PICALM: variants seen among roughly 807,000 people sequenced by gnomAD.
The protein encoded by PICALM is phosphatidylinositol-binding clathrin assembly protein.
Under a neutral mutation model 80.5 loss-of-function variants are expected in PICALM, and 40 were observed. The ratio of observed to expected loss-of-function variants is 0.50; its 90% confidence interval spans 0.39 to 0.65. The LOEUF is 0.65. PICALM is among the 30% of genes least tolerant of loss of function. The pLI, the probability that PICALM is intolerant of heterozygous loss-of-function variation, is 0.00. For synonymous variants in PICALM, 288 were observed against 260.3 expected, an observed-to-expected ratio of 1.11 and a Z score of -1.02; for missense variants, 676 against 778.9, an observed-to-expected ratio of 0.87 and a Z score of 1.57.
In PICALM at chr11:85,976,107, T is replaced by C. The variant is rs1207544994; in HGVS notation, c.1839+516A>G. Among the ~76,000 whole-genome samples, 3 of 146,574 alleles carry C rather than the reference T, an allele frequency of 2.0e-5. No individual in the cohort carries two copies. The East Asian group carries it at 5.8e-4, about 28-fold the overall frequency. ...CTACTAGCACCATTTCTTTTCTAAT[T>C]GAGTCTCTATATACTGAGAGTTGGG... On this transcript the variant is annotated intron_variant, in intron 18 of 19. Transcript: ENST00000393346.
At chr11:86,039,360 C>T (rs897672269) in intron 1 of PICALM, among the ~76,000 whole-genome samples, 4 of 152,074 alleles carry the variant, frequency 2.6e-5, no homozygotes, top group South Asian at 2.1e-4. Flanking sequence ...CTGTGAACAA[C>T]CACTGCCCTC....
chr11:86,040,018 A>AAAAAAAAAAAG (rs2095927575), intron 1 of PICALM, among the ~76,000 whole-genome samples: 1 of 142,856 alleles, frequency 7.0e-6, no homozygotes, highest in Non-Finnish European at 1.5e-5. Context: ...AAAAAAAAAA[A>AAAAAAAAAAAG]AAAAAAAAAG....
intron 8 of PICALM, among the ~76,000 whole-genome samples, chr11:86,005,760 C>T (rs1435546237): frequency 6.7e-6 from 1 of 149,100 alleles, no homozygotes; most frequent in Non-Finnish European, 1.5e-5. Context: ...TGCTTTACAC[C>T]TTAAAAGAAA....
intron 1 of PICALM, among the ~76,000 whole-genome samples, chr11:86,065,693 T>C (rs781495795): frequency 1.3e-5 from 2 of 152,288 alleles, no homozygotes; most frequent in African/African-American, 2.4e-5. Flanking sequence ...TCGTGTTTAT[T>C]TTTACAAACA....
chr11:86,016,713 C>A (rs528997131), intron 4 of PICALM, among the ~76,000 whole-genome samples: 6 of 152,168 alleles, frequency 3.9e-5, no homozygotes, highest in Non-Finnish European at 8.8e-5. Flanking sequence ...TCATCAACCT[C>A]AAATGAATAC....
chr11:86,042,030 T>C (rs1321329153), intron 1 of PICALM, among the ~76,000 whole-genome samples: 1 of 152,200 alleles, frequency 6.6e-6, no homozygotes, highest in Non-Finnish European at 1.5e-5. Context: ...AGTGTAAACC[T>C]AGAGCTTTCC....
intron 11 of PICALM, among the ~76,000 whole-genome samples, chr11:85,998,847 C>T (rs886498268): frequency 2.0e-5 from 3 of 152,170 alleles, no homozygotes; most frequent in Non-Finnish European, 2.9e-5. Context: ...CTAGCTTGTA[C>T]GGCTGGGCTC....
chr11:86,060,482 C>G (rs1030466727), intron 1 of PICALM, among the ~76,000 whole-genome samples: 16 of 152,136 alleles, frequency 1.1e-4, no homozygotes, highest in Admixed American at 7.2e-4. Context: ...GGCAATATCA[C>G]ACACACATCA....
At chr11:86,041,440 C>G (rs1226735707) in intron 1 of PICALM, among the ~76,000 whole-genome samples, 2 of 152,078 alleles carry the variant, frequency 1.3e-5, no homozygotes, top group African/African-American at 4.8e-5. Flanking sequence ...GAACGGAACA[C>G]AGAAGAGATT....
intron 1 of PICALM, among the ~76,000 whole-genome samples, chr11:86,042,548 TTAAG>T (rs1593265783): frequency 6.6e-6 from 1 of 151,950 alleles, no homozygotes; most frequent in Non-Finnish European, 1.5e-5. Flanking sequence ...AGAAAACATA[TTAAG>T]TATCAAGTAA....
At chr11:85,977,984 A>G in intron 17 of PICALM, 1 of 973,900 alleles carries the variant, frequency 1.0e-6, no homozygotes, top group South Asian at 1.4e-5. Context: ...AAAACAAGTA[A>G]TAGCTGAAAG....
chr11:85,977,978 CAAGT>C (rs1057143785), intron 17 of PICALM: 6 of 918,740 alleles, frequency 6.5e-6, no homozygotes, highest in Non-Finnish European at 1.1e-5. Context: ...AATGTGAAAA[CAAGT>C]AATAGCTGAA....
chr11:86,012,057 T>C (rs1337052574), intron 6 of PICALM, among the ~76,000 whole-genome samples: 1 of 152,130 alleles, frequency 6.6e-6, no homozygotes, highest in Non-Finnish European at 1.5e-5. Context: ...AAAACATAGA[T>C]ACATCTAAAA....
chr11:85,974,030 G>A (rs1315206858), intron 19 of PICALM, among the ~76,000 whole-genome samples: 5 of 151,378 alleles, frequency 3.3e-5, no homozygotes, highest in East Asian at 1.9e-4. Flanking sequence ...TCTTCTAACC[G>A]TAACGGGTAA....
At position 85,958,787 on chromosome 11, in the gene PICALM, A is replaced by G. The variant is rs1017122246; in HGVS notation, c.*259T>C. 55 of 385,538 alleles carry G rather than the reference A, an allele frequency of 1.4e-4. No individual in the cohort carries two copies. The highest frequency in any genetic ancestry group is 2.1e-4 in the Non-Finnish European group (44 of 213,474). 23.9% of individuals were successfully genotyped at this position (385,538 alleles called of 1,614,324 possible). ...ATGGGTATTAACAGGAGTTGAAAGA[A>G]TTGAAGGGTTAGTCACCAAAAAGAC... On this transcript the variant is annotated 3_prime_UTR_variant, in exon 20 of 20. Transcript: ENST00000393346.
intron 7 of PICALM, among the ~76,000 whole-genome samples, chr11:86,009,387 A>G (rs928798752): frequency 2.0e-5 from 3 of 149,104 alleles, no homozygotes; most frequent in Admixed American, 6.7e-5. Context: ...GGAGTACAGA[A>G]GGGGGCTTAC....
intron 7 of PICALM, among the ~76,000 whole-genome samples, chr11:86,008,682 T>C (rs1238699811): frequency 6.6e-6 from 1 of 152,080 alleles, no homozygotes; most frequent in Non-Finnish European, 1.5e-5. Context: ...CACTGCCTGA[T>C]ATATTTGTCC....
At chr11:86,000,579 C>G in intron 11 of PICALM, 64 bp downstream of exon 11, 3 of 1,410,406 alleles carry the variant, frequency 2.1e-6, no homozygotes, top group South Asian at 1.3e-5. Context: ...AAAAGTTCTG[C>G]AAAATTTCTA....
chr11:86,007,289 A>G, intron 8 of PICALM: 1 of 237,498 alleles, frequency 4.2e-6, no homozygotes, highest in East Asian at 8.0e-5. Flanking sequence ...AACAATGATG[A>G]TGGGAAAGAA....
Sources: allele counts gnomAD v4.1 joint callset (sites outside exome capture counted in the v4.1 genomes callset), GRCh38; gene constraint gnomAD v4.1.1; transcripts MANE v1.5; gene names NCBI Gene and HGNC (gene_info 2026-07-23, HGNC 2026-07-21).